Variants in CUL5 observed in about 807,000 individuals in gnomAD.
The protein encoded by CUL5 is cullin-5.
In CUL5, 26 loss-of-function variants were observed where a neutral mutation model predicts 108.8. The ratio of observed to expected loss-of-function variants is 0.24; its 90% CI spans 0.18 to 0.33. The LOEUF (loss-of-function observed/expected upper bound fraction) is 0.33. Among genes scored for constraint, CUL5 ranks in the 10% least tolerant of loss-of-function variants. CUL5 has a pLI of 1.00. For missense variants in CUL5, 524 were observed against 909.2 expected (o/e 0.58, Z 5.45); for synonymous variants, 334 against 298.0 (o/e 1.12, Z -1.25).
intron 1 of CUL5, among the ~76,000 whole-genome samples, 189 bp downstream of exon 1, chr11:108,009,561 T>C (rs949182140): frequency 6.6e-6 from 1 of 151,294 alleles, no homozygotes; most frequent in Non-Finnish European, 1.5e-5. Flanking sequence ...CAGGCTCTGG[T>C]GGTCGCTCCC....
chr11:108,029,741 G>A (rs751554360), intron 1 of CUL5, among the ~76,000 whole-genome samples: 49 of 152,120 alleles, frequency 3.2e-4, no homozygotes, highest in Non-Finnish European at 4.4e-4. Flanking sequence ...TTAGGGAAAC[G>A]TGTTTATTAT....
intron 4 of CUL5, among the ~76,000 whole-genome samples, chr11:108,050,492 G>A (rs879681432): frequency 1.5e-4 from 23 of 151,594 alleles, no homozygotes; most frequent in Admixed American, 1.2e-3. Context: ...TCAGCCTCCT[G>A]AGTAGCTGGG....
At chr11:108,042,323 A>T (rs565045218) in intron 2 of CUL5, among the ~76,000 whole-genome samples, 1 of 151,156 alleles carries the variant, frequency 6.6e-6, no homozygotes, top group East Asian at 2.0e-4. Flanking sequence ...GGTTCAAGCA[A>T]TTCTCATGCC....
At chr11:108,089,465 C>T in intron 12 of CUL5, 27 bp from the exon 13 acceptor site, 1 of 1,504,888 alleles carries the variant, frequency 6.6e-7, no homozygotes, top group Non-Finnish European at 8.9e-7. Context: ...TATATAAGAA[C>T]TGAAAGTAAC....
chr11:108,045,621 G>A (rs956538743), intron 2 of CUL5, among the ~76,000 whole-genome samples: 1 of 152,120 alleles, frequency 6.6e-6, no homozygotes, highest in South Asian at 2.1e-4. Flanking sequence ...CCAGCACTTT[G>A]GAGACTGAGG....
At chr11:108,084,356 G>A (rs1298032136) in intron 11 of CUL5, among the ~76,000 whole-genome samples, 3 of 152,212 alleles carry the variant, frequency 2.0e-5, no homozygotes, top group South Asian at 2.1e-4. Flanking sequence ...CTAAGGAGAC[G>A]CAGCAGCTGA....
At chr11:108,059,616 C>A (rs767560650) in intron 7 of CUL5, among the ~76,000 whole-genome samples, 1 of 152,088 alleles carries the variant, frequency 6.6e-6, no homozygotes, top group East Asian at 1.9e-4. Flanking sequence ...CGGTGGCTCA[C>A]GCCTGCAATC....
At chr11:108,102,264 G>A (rs534983740) in intron 18 of CUL5, among the ~76,000 whole-genome samples, 2 of 152,040 alleles carry the variant, frequency 1.3e-5, no homozygotes, top group African/African-American at 4.8e-5. Context: ...TCCTGACTTC[G>A]TAATCCGCTC....
At chr11:108,070,042 A>T in intron 7 of CUL5, 54 bp from the exon 8 acceptor site, 2 of 1,079,094 alleles carry the variant, frequency 1.9e-6, no homozygotes, top group South Asian at 1.6e-5. Flanking sequence ...GAGTTAGAAT[A>T]GATTTGTGCT....
At chr11:108,054,600 C>T (rs3847562) in intron 5 of CUL5, 47 bp from the exon 6 acceptor site, 1,298,405 of 1,304,848 alleles carry the variant, frequency 1, 646,214 homozygotes, top group Non-Finnish European at 1. Flanking sequence ...ACTCAAAATA[C>T]TGATTTTGAT....
At chr11:108,083,583 G>A (rs1864151015) in intron 11 of CUL5, among the ~76,000 whole-genome samples, 1 of 152,162 alleles carries the variant, frequency 6.6e-6, no homozygotes, top group South Asian at 2.1e-4. Flanking sequence ...TTAAGGCCAC[G>A]AGTTTAAGAC....
chr11:108,019,576 T>TA (rs1862280328), intron 1 of CUL5, among the ~76,000 whole-genome samples: 1 of 152,214 alleles, frequency 6.6e-6, no homozygotes, highest in Non-Finnish European at 1.5e-5. Context: ...ATGTTTATTG[T>TA]AGCCCTTGTA....
At position 108,009,369 on chromosome 11, in the gene CUL5, A is replaced by G. The variant is rs765326718; in HGVS notation, c.21A>G (p.Leu7=). 21 of 1,613,146 alleles carry G rather than the reference A, an allele frequency of 1.3e-5. No homozygotes were observed. The highest frequency in any genetic ancestry group is 1.5e-5 in the Non-Finnish European group (18 of 1,179,696). MATSNL[L]KNKGSLQFED... is the part of the protein sequence containing the mutation. Reference sequence around the variant, plus strand: ...AGAACATGGCGACGTCTAATCTGTTAAAGGTAAGACCCTCACTCCAGCTTG... The same window carrying G: ...AGAACATGGCGACGTCTAATCTGTTGAAGGTAAGACCCTCACTCCAGCTTG... Residue 7 remains leucine, a synonymous_variant, in exon 1 of 19, where the codon TTA becomes TTG. Coordinates refer to ENST00000393094, the MANE Select transcript of CUL5 (RefSeq NM_003478.6).
At chr11:108,072,186 A>G (rs1863841757) in intron 8 of CUL5, 146 bp from the exon 9 acceptor site, 1 of 608,212 alleles carries the variant, frequency 1.6e-6, no homozygotes, top group Non-Finnish European at 2.6e-6. Flanking sequence ...CTCAAAAACA[A>G]AAAAACAACA....
chr11:108,101,745 G>C (rs1184434484), intron 18 of CUL5, among the ~76,000 whole-genome samples: 3 of 152,164 alleles, frequency 2.0e-5, no homozygotes, highest in African/African-American at 7.2e-5. Context: ...CAGGGCCAGT[G>C]TCCCTCTGCT....
At chr11:108,037,402 T>C (rs1203033202) in intron 2 of CUL5, among the ~76,000 whole-genome samples, 1 of 152,204 alleles carries the variant, frequency 6.6e-6, no homozygotes, top group East Asian at 1.9e-4. Context: ...GTGTTGGCAA[T>C]CCCAAGGTCA....
intron 1 of CUL5, among the ~76,000 whole-genome samples, chr11:108,017,050 G>A (rs577748506): frequency 6.6e-6 from 1 of 152,066 alleles, no homozygotes; most frequent in Non-Finnish European, 1.5e-5. Context: ...GCTGTGGTTT[G>A]TTCATTCCAT....
chr11:108,107,380 T>C lies in CUL5; in HGVS notation c.*2996T>C, dbSNP rs1864827918. On this transcript the variant is annotated 3_prime_UTR_variant, in exon 19 of 19. Transcript: ENST00000393094. ...AGTCTGGGTGAAAGATTTGCTAGTT[T>C]TACAGAAAGATTTGCTATCTTAAAC... 1 of 152,626 alleles carries C rather than the reference T, an allele frequency of 6.6e-6. No individual in the cohort carries two copies. The highest frequency in any genetic ancestry group is 1.5e-5 in the Non-Finnish European group (1 of 68,034). 9.5% of individuals were successfully genotyped at this position (152,626 alleles called of 1,614,324 possible). A position where few individuals can be genotyped will look rare whatever the true frequency, so the allele number is the denominator to read the frequency against.
At chr11:108,085,489 C>G (rs1001608550) in intron 11 of CUL5, among the ~76,000 whole-genome samples, 1 of 152,042 alleles carries the variant, frequency 6.6e-6, no homozygotes, top group Admixed American at 6.6e-5. Flanking sequence ...TGAAGAAGTT[C>G]TAGAAATAGA....
Sources: gnomAD v4.1 joint callset for allele counts (sites outside exome capture counted in the v4.1 genomes callset) on GRCh38, gnomAD v4.1.1 for gene constraint, MANE v1.5 for transcripts, NCBI Gene and HGNC (gene_info 2026-07-23, HGNC 2026-07-21) for gene names.